Variants in LAMC1 observed in about 807,000 individuals in gnomAD.
LAMC1 encodes laminin subunit gamma 1.
A neutral mutation model predicts 173.6 loss-of-function variants in LAMC1; 38 were observed. That is an observed-to-expected ratio of 0.22 (90% CI 0.17 to 0.29). The LOEUF (loss-of-function observed/expected upper bound fraction) is 0.29, where lower values mean the gene tolerates loss of function less well. Among genes scored for constraint, LAMC1 ranks in the 10% least tolerant of loss-of-function variants. The probability of loss-of-function intolerance (pLI) is 1.00; values close to 1 mark genes in which losing one functional copy is unlikely to be tolerated. For synonymous variants in LAMC1, 746 were observed against 749.1 expected (o/e 1.00, Z 0.07); for missense variants, 1,824 against 2,051.8 (o/e 0.89, Z 2.14).
chr1:183,127,235 G>GTCA lies in LAMC1; in HGVS notation c.2957_2959dup (p.His986dup). On this transcript the variant is annotated inframe_insertion, in exon 17 of 28. Coordinates refer to ENST00000258341, the MANE Select transcript of LAMC1 (RefSeq NM_002293.4). ...TCTCCTTATTCTGCAGCCTGTGACT[G>GTCA]TCATCCTGAGGGATCTCTTTCACTT... is the stretch of plus-strand genomic sequence containing the variant. 6.2e-7 allele frequency: 1 copy of GTCA among 1,613,846 alleles called. No individual in the cohort carries two copies.
chr1:183,047,981 A>G (rs1294548247), intron 1 of LAMC1, among the ~76,000 whole-genome samples: 1 of 152,112 alleles, frequency 6.6e-6, no homozygotes. Context: ...GGAAGGCCCC[A>G]TCTCTGCCAA....
chr1:183,105,344 C>T (rs1655950840), intron 2 of LAMC1, among the ~76,000 whole-genome samples: 1 of 152,020 alleles, frequency 6.6e-6, no homozygotes, highest in Non-Finnish European at 1.5e-5. Context: ...AAACATTTGC[C>T]AGACTTCTTT....
In LAMC1 at chr1:183,117,603, G is replaced by T; in HGVS notation, c.1757G>T (p.Arg586Leu). ...NLSFSFRVDR[R>L]DTRLSAEDLV... ...TCCTTCTCCTTTCGAGTGGACAGGC[G>T]AGATACTCGCCTCTCTGCAGAAGAC... Residue 586 changes from arginine (R) to leucine (L), a missense_variant, in exon 10 of 28, where the codon CGA becomes CTA. By Grantham distance (102) the Arg-to-Leu change is moderately radical. Transcript: ENST00000258341. The T allele has an allele frequency of 8.1e-6, 13 of 1,614,192 alleles. No individual in the cohort carries two copies. The highest frequency in any genetic ancestry group is 1.1e-5 in the Non-Finnish European group (13 of 1,180,034).
In LAMC1 at chr1:183,132,564, A is replaced by T. The variant is rs1369092910; in HGVS notation, c.3704+27A>T. 6 of 1,591,516 alleles carry T rather than the reference A, an allele frequency of 3.8e-6. No individual in the cohort carries two copies. In the Admixed American group the frequency reaches 1.0e-4, roughly 27 times the overall value. Reference sequence around the variant, plus strand: ...TGAGTATAATTTGAAAGTGGTTTACACCCCTTCAGGTGTTCTGGTAAGTAA... The same window carrying T: ...TGAGTATAATTTGAAAGTGGTTTACTCCCCTTCAGGTGTTCTGGTAAGTAA... On this transcript the variant is annotated intron_variant, in intron 21 of 27. Coordinates refer to ENST00000258341, the MANE Select transcript of LAMC1 (RefSeq NM_002293.4).
intron 1 of LAMC1, among the ~76,000 whole-genome samples, chr1:183,095,346 C>T (rs1197483249): frequency 1.3e-5 from 2 of 151,894 alleles, no homozygotes; most frequent in Non-Finnish European, 2.9e-5. Context: ...TTTAAAAAAA[C>T]TATTTTTCAC....
At chr1:183,128,509 C>A in intron 17 of LAMC1, 85 bp from the exon 18 acceptor site, 1 of 1,119,920 alleles carries the variant, frequency 8.9e-7, no homozygotes, top group South Asian at 1.9e-5. Context: ...ATGGAGTGCC[C>A]ATGATTCCTG....
At chr1:183,031,312 CT>C (rs993412551) in intron 1 of LAMC1, among the ~76,000 whole-genome samples, 1 of 150,734 alleles carries the variant, frequency 6.6e-6, no homozygotes, top group African/African-American at 2.4e-5. Flanking sequence ...TCTTTTTTTT[CT>C]TTTTTTTTGG....
At chr1:183,108,209 T>C (rs563809677) in intron 2 of LAMC1, 67 bp from the exon 3 acceptor site, 1 of 1,453,932 alleles carries the variant, frequency 6.9e-7, no homozygotes, top group African/African-American at 1.4e-5. Flanking sequence ...TAGAACATTT[T>C]GTCACATTTA....
In LAMC1 at chr1:183,122,206, A is replaced by C; in HGVS notation, c.2356A>C (p.Lys786Gln). The C allele has an allele frequency of 6.2e-7, 1 of 1,614,152 alleles. No individual in the cohort carries two copies. The highest frequency in any genetic ancestry group is 8.5e-7 in the Non-Finnish European group (1 of 1,180,016). ...PGGSSCAVVP[K>Q]TKEVVCTNCP... ...AGGTTCAAGTTGTGCTGTTGTTCCC[A>C]AGACAAAGGAGGTGGTGTGCACCAA... Residue 786 changes from lysine to glutamine, a missense_variant, in exon 13 of 28, where the codon AAG (lysine) becomes CAG (glutamine). Physicochemically the swap from Lys to Gln is moderately conservative, Grantham distance 53 (BLOSUM62 1). Coordinates refer to ENST00000258341, the MANE Select transcript of LAMC1 (RefSeq NM_002293.4).
intron 1 of LAMC1, among the ~76,000 whole-genome samples, chr1:183,095,912 G>A (rs910281941): frequency 1.3e-5 from 2 of 152,190 alleles, no homozygotes; most frequent in Admixed American, 6.5e-5. Context: ...CCCTCTAACA[G>A]TGATTTGCAC....
chr1:183,081,177 C>A (rs142953873), intron 1 of LAMC1, among the ~76,000 whole-genome samples: 1 of 152,152 alleles, frequency 6.6e-6, no homozygotes, highest in African/African-American at 2.4e-5. Flanking sequence ...CGTCAGCCAC[C>A]GCGCCCGGCC....
At chr1:183,065,191 A>G (rs539946213) in intron 1 of LAMC1, among the ~76,000 whole-genome samples, 5 of 152,230 alleles carry the variant, frequency 3.3e-5, no homozygotes, top group Non-Finnish European at 5.9e-5. Flanking sequence ...AAAATACGGT[A>G]CTATAATTTA....
intron 13 of LAMC1, 95 bp from the exon 14 acceptor site, chr1:183,124,536 T>G (rs1656568354): frequency 6.9e-7 from 1 of 1,444,694 alleles, no homozygotes; most frequent in Admixed American, 1.8e-5. Context: ...TTCTCTCATG[T>G]GATGATTACA....
rs1365702275 is a variant in LAMC1 at position 183,023,673 on chromosome 1, C to T, written c.-44C>T. 5.2e-6 allele frequency: 6 copies of T among 1,154,998 alleles called. No individual in the cohort carries two copies. The highest frequency in any genetic ancestry group is 1.6e-5 in the African/African-American group (1 of 61,502). The allele number at this position is 1,154,998 out of a possible 1,614,324, so 71.5% of individuals were successfully genotyped here. A position where few individuals can be genotyped will look rare whatever the true frequency, so the allele number is the denominator to read the frequency against. On this transcript the variant is annotated 5_prime_UTR_variant, in exon 1 of 28. Coordinates refer to ENST00000258341, the MANE Select transcript of LAMC1 (RefSeq NM_002293.4). ...GACGCCGCTAGGCGAGAGGAACGCG[C>T]CGGTGCCCTTGCCTTCGCCGTGACC...
chr1:183,117,164 A>G (rs372176807), intron 8 of LAMC1, among the ~76,000 whole-genome samples, 156 bp from the exon 9 acceptor site: 26 of 152,340 alleles, frequency 1.7e-4, no homozygotes, highest in African/African-American at 5.3e-4. Context: ...GGTATAGCAT[A>G]TATTGGTACT....
intron 1 of LAMC1, among the ~76,000 whole-genome samples, chr1:183,042,719 A>T (rs1571404683): frequency 6.6e-6 from 1 of 152,102 alleles, no homozygotes; most frequent in South Asian, 2.1e-4. Context: ...AAGGGTGTGT[A>T]CTCATTCTGC....
chr1:183,093,566 A>G (rs1655618066), intron 1 of LAMC1, among the ~76,000 whole-genome samples: 1 of 152,014 alleles, frequency 6.6e-6, no homozygotes, highest in Admixed American at 6.6e-5. Flanking sequence ...GTTTTCCTCT[A>G]ATCCCATGGC....
chr1:183,050,171 CTATT>C (rs1285397280), intron 1 of LAMC1, among the ~76,000 whole-genome samples: 2 of 151,776 alleles, frequency 1.3e-5, no homozygotes, highest in African/African-American at 4.8e-5. Flanking sequence ...AGTGTTGTCT[CTATT>C]TAACCCTATC....
intron 1 of LAMC1, among the ~76,000 whole-genome samples, chr1:183,028,558 A>G (rs1208934532): frequency 1.3e-5 from 2 of 152,242 alleles, no homozygotes; most frequent in African/African-American, 4.8e-5. Flanking sequence ...TGATTTGCCT[A>G]AAGTCATGTG....
Sources: gnomAD v4.1 joint callset for allele counts (sites outside exome capture counted in the v4.1 genomes callset) on GRCh38, gnomAD v4.1.1 for gene constraint, MANE v1.5 for transcripts, NCBI Gene and HGNC (gene_info 2026-07-23, HGNC 2026-07-21) for gene names.